Variants in PXK observed in about 807,000 individuals in gnomAD.
PXK encodes PX domain containing serine/threonine kinase like.
In PXK, 35 loss-of-function variants were observed where a neutral mutation model predicts 84.7. That is an observed-to-expected ratio of 0.41 (90% CI 0.32 to 0.55). PXK has a LOEUF of 0.55. Among genes scored for constraint, PXK ranks in the 20% least tolerant of loss-of-function variants. The pLI, the probability that PXK is intolerant of heterozygous loss-of-function variation, is 0.21. For synonymous variants in PXK, 253 were observed against 260.8 expected, an observed-to-expected ratio of 0.97 and a Z score of 0.29; for missense variants, 634 against 699.7, an observed-to-expected ratio of 0.91 and a Z score of 1.06.
In PXK at chr3:58,403,009, T is replaced by C. The variant is rs997133962; in HGVS notation, c.1182-853T>C. Among the ~76,000 whole-genome samples, 63 of 90,762 alleles carry C rather than the reference T, an allele frequency of 6.9e-4. No homozygotes were observed. In the East Asian group the frequency reaches 0.011, roughly 16 times the overall value. The allele number at this position is 90,762 out of a possible 152,430, so 59.5% of individuals were successfully genotyped here. On this transcript the variant is annotated intron_variant, in intron 12 of 17. Transcript: ENST00000356151. ...TTTACTTTTTTGCAATAACATACCCTTTTTTTTTTTTTTAAGATGGAGTCT... is the reference window on the plus strand; with the variant it reads ...TTTACTTTTTTGCAATAACATACCCCTTTTTTTTTTTTTAAGATGGAGTCT...
intron 3 of PXK, among the ~76,000 whole-genome samples, chr3:58,372,132 T>G (rs1331805630): frequency 1.3e-5 from 2 of 152,176 alleles, no homozygotes; most frequent in Non-Finnish European, 2.9e-5. Flanking sequence ...ATAATATAAT[T>G]ACAAGAAATG....
intron 17 of PXK, chr3:58,420,837 A>C (rs1234941601): frequency 1.9e-5 from 24 of 1,286,438 alleles, no homozygotes; most frequent in Non-Finnish European, 2.4e-5. Flanking sequence ...AAAACCTGCA[A>C]ATCAACTGCA....
At chr3:58,351,395 T>TTG (rs57349140) in intron 1 of PXK, among the ~76,000 whole-genome samples, 3,908 of 140,608 alleles carry the variant, frequency 0.028, 104 homozygotes, top group African/African-American at 0.066. Flanking sequence ...AGCTAGCTAT[T>TTG]TGTGTGTGTG....
intron 1 of PXK, among the ~76,000 whole-genome samples, chr3:58,345,993 C>A (rs996877761): frequency 2.6e-5 from 4 of 152,152 alleles, no homozygotes; most frequent in African/African-American, 9.7e-5. Flanking sequence ...TTCAGGAGTT[C>A]ATTAGTTCAT....
chr3:58,408,583 C>T (rs965163671), intron 13 of PXK, among the ~76,000 whole-genome samples: 2 of 150,280 alleles, frequency 1.3e-5, no homozygotes, highest in African/African-American at 2.5e-5. Context: ...AGTGCAGTGG[C>T]GTGATCTCGG....
rs371154616 is a variant in PXK, at chr3:58,374,856, T to A, written c.201+5378T>A. 2.6e-5 allele frequency among the ~76,000 whole-genome samples: 4 copies of A among 152,318 alleles called. No homozygotes were observed. In the East Asian group the frequency reaches 5.8e-4, roughly 22 times the overall value. On this transcript the variant is annotated intron_variant, in intron 3 of 17. Coordinates refer to ENST00000356151, the MANE Select transcript of PXK (RefSeq NM_017771.5). ...AGATGGGATTTTAAAATAACACATA[T>A]GTTGCATAGTCTGAGTACCTTTAGG...
chr3:58,366,328 C>T (rs534620734), intron 2 of PXK, among the ~76,000 whole-genome samples: 1 of 152,232 alleles, frequency 6.6e-6, no homozygotes, highest in Admixed American at 6.5e-5. Flanking sequence ...TTTTATGGAT[C>T]TCAGGTCCAC....
In PXK at chr3:58,416,178, A is replaced by G. The variant is rs933749837; in HGVS notation, c.1528+3215A>G. On this transcript the variant is annotated intron_variant, in intron 17 of 17. Transcript: ENST00000356151. The surrounding 1 kb of genome is among the most constrained non-coding windows in gnomAD (Gnocchi z 4.8). The stretch of plus-strand genomic sequence containing the variant: ...AGCCTTTGAAAGACAACTCAGGGAC[A>G]TATGTTAAGATCTTATCTTTAGTTT... Among the ~76,000 whole-genome samples the G allele has an allele frequency of 1.3e-5, 2 of 152,192 alleles. No individual in the cohort carries two copies. Among genetic ancestry groups the G allele is most frequent in the East Asian group, 3.8e-4 (2 of 5,200 alleles).
intron 1 of PXK, among the ~76,000 whole-genome samples, chr3:58,345,419 T>A (rs921424892): frequency 2.6e-5 from 4 of 152,184 alleles, no homozygotes; most frequent in Non-Finnish European, 5.9e-5. Flanking sequence ...CTATATATAT[T>A]TTTAAATTGT....
rs1255604635 is a variant in PXK, at chr3:58,400,061, A to G, written c.1181+684A>G. Among the ~76,000 whole-genome samples the G allele has an allele frequency of 6.6e-6, 1 of 152,090 alleles. No homozygotes were observed. Among genetic ancestry groups the G allele is most frequent in the Non-Finnish European group, 1.5e-5 (1 of 68,010 alleles). On this transcript the variant is annotated intron_variant, in intron 12 of 17. Coordinates refer to ENST00000356151, the MANE Select transcript of PXK (RefSeq NM_017771.5). The surrounding 1 kb of genome is among the most constrained non-coding windows in gnomAD (Gnocchi z 4.0). ...AAGAAGGGTGTGCCTGGGGTGGGAC[A>G]GACCTGGAGGTGGATTCCAGCTTCA...
At chr3:58,338,404 C>T (rs1468992324) in intron 1 of PXK, among the ~76,000 whole-genome samples, 1 of 151,654 alleles carries the variant, frequency 6.6e-6, no homozygotes, top group Non-Finnish European at 1.5e-5. Context: ...GGGTGGATCA[C>T]CTGAGGTCAG....
At chr3:58,410,486 A>G (rs962705568) in intron 16 of PXK, among the ~76,000 whole-genome samples, 13 of 152,226 alleles carry the variant, frequency 8.5e-5, no homozygotes, top group African/African-American at 2.7e-4. Context: ...GTTTTTTAGT[A>G]GAGCCTGCAT....
chr3:58,416,524 G>T lies in PXK; in HGVS notation c.1528+3561G>T, dbSNP rs1169056973. Among the ~76,000 whole-genome samples the T allele has an allele frequency of 6.6e-6, 1 of 152,196 alleles. No individual in the cohort carries two copies. The highest frequency in any genetic ancestry group is 2.4e-5 in the African/African-American group (1 of 41,438). On this transcript the variant is annotated intron_variant, in intron 17 of 17. Transcript: ENST00000356151. This position sits in a 1 kb window ranked among gnomAD's most constrained non-coding sequence, Gnocchi z 4.8. ...TTCCTTCTTCTAGGGTATGGGGCGTGTGTAGGAGATGCTTGGCAAATCTTT... is the reference window on the plus strand; with the variant it reads ...TTCCTTCTTCTAGGGTATGGGGCGTTTGTAGGAGATGCTTGGCAAATCTTT...
rs2061766515 is a variant in PXK, at chr3:58,421,107, C to G, written c.1529-3645C>G. ...TGAAGCCAAAGGAGAAGGTGGTTCT[C>G]CCGAGAGCTGGGGGCTTGCCTGCTT... is the stretch of plus-strand genomic sequence containing the variant. On this transcript the variant is annotated intron_variant, in intron 17 of 17. Coordinates refer to ENST00000356151, the MANE Select transcript of PXK (RefSeq NM_017771.5). The surrounding 1 kb of genome is among the most constrained non-coding windows in gnomAD (Gnocchi z 5.5). 1 of 992,696 alleles carries G rather than the reference C, an allele frequency of 1.0e-6. No homozygotes were observed. The highest frequency in any genetic ancestry group is 1.2e-6 in the Non-Finnish European group (1 of 835,006). 61.5% of individuals were successfully genotyped at this position (992,696 alleles called of 1,614,324 possible). A position where few individuals can be genotyped will look rare whatever the true frequency, so the allele number is the denominator to read the frequency against.
At chr3:58,336,055 ATATATATATATATATATTTTT>A (rs1356702459) in intron 1 of PXK, among the ~76,000 whole-genome samples, 39 of 58,460 alleles carry the variant, frequency 6.7e-4, no homozygotes, top group Admixed American at 3.9e-3. Flanking sequence ...ATATATATAT[ATATATATATATATATATTTTT>A]TTTTTTTTTT....
At chr3:58,352,997 A>G (rs1195224163) in intron 1 of PXK, among the ~76,000 whole-genome samples, 1 of 127,540 alleles carries the variant, frequency 7.8e-6, no homozygotes, top group Admixed American at 8.8e-5. Flanking sequence ...GATTCTATGA[A>G]TTAGATTTTT....
At position 58,333,028 on chromosome 3, in the gene PXK, C is replaced by T. The variant is rs1318484574; in HGVS notation, c.40C>T (p.Leu14=). The stretch of plus-strand genomic sequence containing the variant: ...GAAGCCGCCAGCCGGCAAGGTGCTG[C>T]TGGACGACACGGTGCCGCTGACAGC... The part of the protein sequence containing the change: ...MEKPPAGKVL[L]DDTVPLTAAI... The change falls in exon 1 of 18, where the codon CTG becomes TTG. Residue 14 remains leucine, a synonymous_variant. Coordinates refer to ENST00000356151, the MANE Select transcript of PXK (RefSeq NM_017771.5). This position sits in a 1 kb window ranked among gnomAD's most constrained non-coding sequence, Gnocchi z 5.4. 7.3e-7 allele frequency: 1 copy of T among 1,364,768 alleles called. No individual in the cohort carries two copies. The highest frequency in any genetic ancestry group is 1.5e-5 in the South Asian group (1 of 68,430). The allele number at this position is 1,364,768 out of a possible 1,614,324, so 84.5% of individuals were successfully genotyped here.
At position 58,416,919 on chromosome 3, in the gene PXK, G is replaced by A. The variant is rs763871201; in HGVS notation, c.1528+3956G>A. On this transcript the variant is annotated intron_variant, in intron 17 of 17. Coordinates refer to ENST00000356151, the MANE Select transcript of PXK (RefSeq NM_017771.5). The surrounding 1 kb of genome is among the most constrained non-coding windows in gnomAD (Gnocchi z 4.8). The stretch of plus-strand genomic sequence containing the variant: ...ATTACAGGCTTGAGCCACTGTGCCC[G>A]GCCAGGATTGCAACTTTTGGCTGGC... Among the ~76,000 whole-genome samples the A allele has an allele frequency of 5.3e-5, 8 of 152,128 alleles. No individual in the cohort carries two copies. Among genetic ancestry groups the A allele is most frequent in the Non-Finnish European group, 1.2e-4 (8 of 68,018 alleles).
intron 8 of PXK, 30 bp from the exon 9 acceptor site, chr3:58,395,628 T>C (rs762755267): frequency 3.2e-6 from 5 of 1,547,096 alleles, no homozygotes; most frequent in Non-Finnish European, 3.6e-6. Flanking sequence ...CTCTGCTGCT[T>C]TCTTACGTGT....
Sources: gnomAD v4.1 joint callset for allele counts (sites outside exome capture counted in the v4.1 genomes callset) on GRCh38, gnomAD v4.1.1 for gene constraint, Gnocchi (gnomAD v3.1) non-coding constraint, MANE v1.5 for transcripts, NCBI Gene and HGNC (gene_info 2026-07-23, HGNC 2026-07-21) for gene names.